Variants in GPM6A observed in about 807,000 individuals in gnomAD.
The protein encoded by GPM6A is glycoprotein M6A.
A neutral mutation model predicts 32.1 loss-of-function variants in GPM6A; 7 were observed. The ratio of observed to expected loss-of-function variants is 0.22; its 90% confidence interval spans 0.12 to 0.41. GPM6A has a LOEUF of 0.41. GPM6A is among the 10% of genes least tolerant of loss of function. The pLI is 1.00. For missense variants in GPM6A, 235 were observed against 347.2 expected (o/e 0.68, Z 2.57); for synonymous variants, 130 against 123.4 (o/e 1.05, Z -0.35).
At chr4:175,684,588 T>C (rs1034684926) in intron 2 of GPM6A, among the ~76,000 whole-genome samples, 8 of 152,198 alleles carry the variant, frequency 5.3e-5, no homozygotes, top group Non-Finnish European at 8.8e-5. Context: ...TTTATCTTTT[T>C]TTCAAAATGG....
intron 1 of GPM6A, among the ~76,000 whole-genome samples, chr4:175,776,463 G>A (rs1385953020): frequency 6.6e-6 from 1 of 152,148 alleles, no homozygotes; most frequent in Non-Finnish European, 1.5e-5. Context: ...GATTCATGAT[G>A]TCAAAACTCG....
chr4:175,671,810 A>C (rs753489624), intron 3 of GPM6A, among the ~76,000 whole-genome samples: 16 of 151,824 alleles, frequency 1.1e-4, no homozygotes, highest in South Asian at 4.2e-4. Context: ...TGCAGCTCCT[A>C]CTCCTGTCTC....
intron 3 of GPM6A, among the ~76,000 whole-genome samples, chr4:175,671,716 C>T (rs1743082556): frequency 6.6e-6 from 1 of 152,106 alleles, no homozygotes; most frequent in Non-Finnish European, 1.5e-5. Context: ...AGCTAGCCCC[C>T]TTCGTGAAGG....
intron 1 of GPM6A, among the ~76,000 whole-genome samples, chr4:175,941,784 C>T (rs1015694926): frequency 3.3e-5 from 5 of 152,176 alleles, no homozygotes; most frequent in African/African-American, 1.2e-4. Flanking sequence ...CAGTCTGTCA[C>T]TGATGGGCAT....
At position 175,699,507 on chromosome 4, in the gene GPM6A, G is replaced by A. The variant is rs567180842; in HGVS notation, c.230+2068C>T. On this transcript the variant is annotated intron_variant, in intron 2 of 6. Coordinates refer to ENST00000393658, the MANE Select transcript of GPM6A (RefSeq NM_201591.3). ...AAATATAATATGCAACTTTCAATTT[G>A]CTGTTAATTCTTCATTCCCATTTGT... Among the ~76,000 whole-genome samples the A allele has an allele frequency of 9.2e-5, 14 of 152,190 alleles. No individual in the cohort carries two copies. In the South Asian group the frequency reaches 2.9e-3, roughly 32 times the overall value.
chr4:175,945,138 G>A (rs907503750), intron 1 of GPM6A, among the ~76,000 whole-genome samples: 3 of 152,008 alleles, frequency 2.0e-5, no homozygotes, highest in African/African-American at 7.2e-5. Context: ...ACGTGAGTGT[G>A]AACAGCAATT....
At chr4:175,670,569 T>C (rs1743000132) in intron 3 of GPM6A, among the ~76,000 whole-genome samples, 1 of 152,220 alleles carries the variant, frequency 6.6e-6, no homozygotes, top group South Asian at 2.1e-4. Context: ...ATTTAATATT[T>C]AAGGTAAATA....
At chr4:175,764,505 T>G (rs138994448) in intron 1 of GPM6A, among the ~76,000 whole-genome samples, 108 of 152,336 alleles carry the variant, frequency 7.1e-4, no homozygotes, top group African/African-American at 2.4e-3. Flanking sequence ...TGTCATGTGA[T>G]AGGCTTCTTT....
intron 3 of GPM6A, among the ~76,000 whole-genome samples, chr4:175,661,950 C>T (rs1484753750): frequency 1.3e-5 from 2 of 151,920 alleles, no homozygotes; most frequent in African/African-American, 2.4e-5. Flanking sequence ...TAAAAAAATG[C>T]TACTTGAATA....
At chr4:175,715,368 G>A (rs1333707170) in intron 1 of GPM6A, among the ~76,000 whole-genome samples, 2 of 152,212 alleles carry the variant, frequency 1.3e-5, no homozygotes, top group African/African-American at 4.8e-5. Context: ...CGCAGATGCA[G>A]CCAGAAAGTG....
intron 1 of GPM6A, among the ~76,000 whole-genome samples, chr4:175,914,146 G>C (rs1320479343): frequency 6.7e-6 from 1 of 149,294 alleles, no homozygotes; most frequent in East Asian, 2.0e-4. Flanking sequence ...AAAGAGAAAA[G>C]GAAAAAAAAA....
Position 175,689,446 on chromosome 4 carries a change from G to GTT in GPM6A, c.230+12127_230+12128dup, listed in dbSNP as rs34200402. Among the ~76,000 whole-genome samples, 148 of 147,546 alleles carry GTT rather than the reference G, an allele frequency of 1.0e-3. 3 individuals are homozygous for GTT. The highest frequency in any genetic ancestry group is 7.4e-3 in the Admixed American group (109 of 14,770). On this transcript the variant is annotated intron_variant, in intron 2 of 6. Transcript: ENST00000393658. The stretch of plus-strand genomic sequence containing the variant: ...CTCCTTGGTTAAGTTTATTTATAGC[G>GTT]TTTTTTTTTTTCTTTTTGAAGCTAT...
At chr4:175,967,520 G>A (rs1348714516) in intron 1 of GPM6A, among the ~76,000 whole-genome samples, 1 of 151,892 alleles carries the variant, frequency 6.6e-6, no homozygotes, top group African/African-American at 2.4e-5. Flanking sequence ...TGTCTACATG[G>A]GAAATCTCAA....
At chr4:175,795,312 G>A (rs575279638) in intron 1 of GPM6A, among the ~76,000 whole-genome samples, 8 of 152,084 alleles carry the variant, frequency 5.3e-5, no homozygotes, top group South Asian at 2.1e-4. Flanking sequence ...CAGCCTCTTC[G>A]AAGGCACTCA....
chr4:175,858,511 G>A (rs111508786), intron 1 of GPM6A, among the ~76,000 whole-genome samples: 3 of 149,486 alleles, frequency 2.0e-5, no homozygotes, highest in Admixed American at 6.7e-5. Flanking sequence ...CAGCCTGGGC[G>A]ACAGAGAGAA....
intron 1 of GPM6A, among the ~76,000 whole-genome samples, chr4:175,975,625 T>C (rs1740635130): frequency 1.3e-5 from 2 of 152,344 alleles, no homozygotes; most frequent in South Asian, 4.1e-4. Context: ...TCCTAACTAA[T>C]TTTTAGAAAT....
intron 1 of GPM6A, among the ~76,000 whole-genome samples, chr4:175,720,995 GT>G (rs1746086279): frequency 6.9e-6 from 1 of 144,130 alleles, no homozygotes; most frequent in Admixed American, 7.0e-5. Context: ...ACAACTAGTA[GT>G]TACTTTAGCT....
At chr4:175,759,284 G>A (rs1030959737) in intron 1 of GPM6A, among the ~76,000 whole-genome samples, 5 of 151,414 alleles carry the variant, frequency 3.3e-5, no homozygotes, top group African/African-American at 1.2e-4. Flanking sequence ...ACTAAACAGG[G>A]GTTTGAGGAA....
At chr4:175,817,587 T>C (rs1735146878) in intron 1 of GPM6A, among the ~76,000 whole-genome samples, 1 of 152,216 alleles carries the variant, frequency 6.6e-6, no homozygotes, top group Non-Finnish European at 1.5e-5. Context: ...AGGTACAGTT[T>C]GATCTGACCT....
Sources: gnomAD v4.1 joint callset for allele counts (sites outside exome capture counted in the v4.1 genomes callset) on GRCh38, gnomAD v4.1.1 for gene constraint, MANE v1.5 for transcripts, NCBI Gene and HGNC (gene_info 2026-07-23, HGNC 2026-07-21) for gene names.